The following TAFA4 variants were observed in gnomAD, a reference collection of about 807,000 sequenced individuals.
TAFA4 encodes the protein TAFA chemokine like family member 4.
TAFA4 carries 20 observed loss-of-function variants against 21.1 expected under a neutral mutation model. That is an observed-to-expected ratio of 0.95 (90% CI 0.67 to 1.38). The LOEUF is 1.38. TAFA4 is among the 40% of genes most tolerant of loss of function. TAFA4 has a pLI of 0.00. For synonymous variants in TAFA4, 71 were observed against 67.4 expected (o/e 1.05, Z -0.26); for missense variants, 211 against 180.9 (o/e 1.17, Z -0.95).
chr3:68,737,456 C>A (rs888068107), intron 5 of TAFA4, among the ~76,000 whole-genome samples: 12 of 152,226 alleles, frequency 7.9e-5, no homozygotes, highest in African/African-American at 2.9e-4. Flanking sequence ...AGATCGTTAT[C>A]CCAGTCATCT....
chr3:68,771,018 G>C, intron 3 of TAFA4, among the ~76,000 whole-genome samples: 1 of 152,118 alleles, frequency 6.6e-6, no homozygotes, highest in East Asian at 1.9e-4. Context: ...AGAACGACTC[G>C]GACACCAAGG....
At chr3:68,752,483 C>G (rs924832905) in intron 4 of TAFA4, among the ~76,000 whole-genome samples, 1 of 152,112 alleles carries the variant, frequency 6.6e-6, no homozygotes, top group African/African-American at 2.4e-5. Context: ...AGGATACTAA[C>G]ATATAACACC....
intron 1 of TAFA4, among the ~76,000 whole-genome samples, chr3:68,900,802 A>G (rs1002566408): frequency 6.6e-6 from 1 of 152,214 alleles, no homozygotes; most frequent in Non-Finnish European, 1.5e-5. Context: ...TTTACCTAAT[A>G]AATTTGGTTT....
chr3:68,760,968 G>A (rs949667498), intron 3 of TAFA4, among the ~76,000 whole-genome samples: 2 of 152,094 alleles, frequency 1.3e-5, no homozygotes, highest in Non-Finnish European at 2.9e-5. Flanking sequence ...AGACCCCTGT[G>A]GTCTCAAAAA....
At chr3:68,789,986 A>G (rs1056776390) in intron 3 of TAFA4, among the ~76,000 whole-genome samples, 2 of 152,252 alleles carry the variant, frequency 1.3e-5, no homozygotes, top group African/African-American at 2.4e-5. Flanking sequence ...AAGAAAATCA[A>G]TGAAGGAAGA....
chr3:68,766,313 G>T (rs949362471), intron 3 of TAFA4, among the ~76,000 whole-genome samples: 3 of 151,666 alleles, frequency 2.0e-5, no homozygotes, highest in African/African-American at 7.3e-5. Context: ...TTGATAATAG[G>T]GACAGTAAGG....
At chr3:68,871,661 A>G (rs1393360247) in intron 3 of TAFA4, among the ~76,000 whole-genome samples, 1 of 152,144 alleles carries the variant, frequency 6.6e-6, no homozygotes, top group African/African-American at 2.4e-5. Context: ...CCAACAATCA[A>G]TTAATAAGCA....
intron 3 of TAFA4, among the ~76,000 whole-genome samples, chr3:68,762,546 C>T (rs531991048): frequency 2.1e-4 from 32 of 152,162 alleles, no homozygotes; most frequent in African/African-American, 7.0e-4. Context: ...TTGATACAGC[C>T]GATGGTCTAT....
intron 2 of TAFA4, among the ~76,000 whole-genome samples, chr3:68,883,848 G>T (rs913754054): frequency 1.3e-5 from 2 of 152,136 alleles, no homozygotes; most frequent in East Asian, 1.9e-4. Flanking sequence ...TGGAAGGAAC[G>T]CTTGAGGCCA....
At chr3:68,927,827 G>C (rs1359917732) in intron 1 of TAFA4, among the ~76,000 whole-genome samples, 1 of 151,812 alleles carries the variant, frequency 6.6e-6, no homozygotes, top group East Asian at 1.9e-4. Context: ...TAGCCCAGGA[G>C]GTCAAGTTTG....
At chr3:68,747,539 T>C (rs1484559238) in intron 4 of TAFA4, among the ~76,000 whole-genome samples, 1 of 152,174 alleles carries the variant, frequency 6.6e-6, no homozygotes, top group Non-Finnish European at 1.5e-5. Flanking sequence ...TGGTGAGGCC[T>C]CCCCAGCCAC....
At chr3:68,749,473 C>G (rs1702521628) in intron 4 of TAFA4, among the ~76,000 whole-genome samples, 1 of 152,126 alleles carries the variant, frequency 6.6e-6, no homozygotes, top group Non-Finnish European at 1.5e-5. Flanking sequence ...TTCTCACATT[C>G]CAATTAGGGC....
chr3:68,839,203 G>T (rs1348447273), intron 3 of TAFA4, among the ~76,000 whole-genome samples: 1 of 152,182 alleles, frequency 6.6e-6, no homozygotes, highest in Non-Finnish European at 1.5e-5. Context: ...GGGAGCAATT[G>T]TGTCCTACAA....
intron 3 of TAFA4, among the ~76,000 whole-genome samples, chr3:68,859,570 C>T (rs540289280): frequency 1.3e-5 from 2 of 152,214 alleles, no homozygotes; most frequent in Non-Finnish European, 2.9e-5. Context: ...AATAATATTT[C>T]GAGAATGCCA....
intron 1 of TAFA4, among the ~76,000 whole-genome samples, chr3:68,890,806 G>C (rs2089722274): frequency 1.3e-5 from 2 of 152,160 alleles, no homozygotes; most frequent in South Asian, 4.2e-4. Flanking sequence ...TGAAGACATT[G>C]GTCATCAATC....
intron 1 of TAFA4, among the ~76,000 whole-genome samples, chr3:68,906,502 C>T (rs182133233): frequency 2.0e-4 from 31 of 152,228 alleles, no homozygotes; most frequent in Admixed American, 6.5e-4. Flanking sequence ...CAGGGACTCC[C>T]TAAGAGACAG....
chr3:68,863,429 GA>G (rs1378057035), intron 3 of TAFA4, among the ~76,000 whole-genome samples: 1 of 152,052 alleles, frequency 6.6e-6, no homozygotes, highest in African/African-American at 2.4e-5. Context: ...TGGAAAATGA[GA>G]AATGTATAGA....
intron 3 of TAFA4, among the ~76,000 whole-genome samples, chr3:68,796,723 G>C (rs1703459778): frequency 6.6e-6 from 1 of 152,102 alleles, no homozygotes; most frequent in Non-Finnish European, 1.5e-5. Context: ...GGAAGTATTT[G>C]CAAATCATGT....
intron 3 of TAFA4, among the ~76,000 whole-genome samples, chr3:68,756,877 A>G (rs915837047): frequency 2.6e-4 from 40 of 152,244 alleles, no homozygotes; most frequent in Admixed American, 8.5e-4. Context: ...AAGTAGTATG[A>G]AACTTTAGCA....
Sources: allele counts gnomAD v4.1 joint callset (sites outside exome capture counted in the v4.1 genomes callset), GRCh38; gene constraint gnomAD v4.1.1; transcripts MANE v1.5; gene names NCBI Gene and HGNC (gene_info 2026-07-23, HGNC 2026-07-21).